The following EML2 variants were observed in gnomAD, a reference collection of about 807,000 sequenced individuals.
EML2 encodes echinoderm microtubule-associated protein-like 2.
In EML2, 59 loss-of-function variants were observed where a neutral mutation model predicts 84.7. That is an observed-to-expected ratio of 0.70 (90% CI 0.56 to 0.86). The LOEUF (loss-of-function observed/expected upper bound fraction) is 0.86, where lower values mean the gene tolerates loss of function less well. EML2 is among the 40% of genes least tolerant of loss of function. EML2 has a pLI of 0.00. For missense variants in EML2, 818 were observed against 855.6 expected, an observed-to-expected ratio of 0.96 and a Z score of 0.55; for synonymous variants, 352 against 348.9, an observed-to-expected ratio of 1.01 and a Z score of -0.10.
upstream of EML2, chr19:45,645,482 CGGGCCCGGCGCTG>C: frequency 1.4e-6 from 2 of 1,406,412 alleles, no homozygotes; most frequent in Non-Finnish European, 1.8e-6. Flanking sequence ...CGGCCGGCGC[CGGGCCCGGCGCTG>C]GGGTCATCCC....
At chr19:45,630,205 G>A (rs529992278) in intron 6 of EML2, among the ~76,000 whole-genome samples, 159 bp from the exon 7 acceptor site, 6 of 152,074 alleles carry the variant, frequency 3.9e-5, no homozygotes, top group African/African-American at 1.4e-4. Context: ...TTTGAGGCCA[G>A]CATAGGCAAT....
At chr19:45,645,528 C>T, upstream of EML2, 1 of 1,231,320 alleles carries the variant, frequency 8.1e-7, no homozygotes, top group Admixed American at 3.3e-5. Context: ...AAAGGGGGGT[C>T]GGGACACCGC....
chr19:45,630,105 C>T, intron 6 of EML2, 59 bp from the exon 7 acceptor site: 1 of 1,262,236 alleles, frequency 7.9e-7, no homozygotes, highest in East Asian at 2.3e-5. Flanking sequence ...CCATCCTCCC[C>T]CCATGCCCAC....
intron 2 of EML2, 68 bp from the exon 3 acceptor site, chr19:45,638,702 CTTTA>C (rs1974073036): frequency 1.9e-5 from 30 of 1,586,844 alleles, no homozygotes; most frequent in Admixed American, 3.7e-5. Flanking sequence ...CCTCTTCCAG[CTTTA>C]TTTATTTATT....
At chr19:45,632,723 T>C (rs1973204573) in intron 6 of EML2, 138 bp downstream of exon 6, 3 of 720,190 alleles carry the variant, frequency 4.2e-6, no homozygotes, top group African/African-American at 3.5e-5. Flanking sequence ...GGACACGCCC[T>C]CATTGTGACG....
At chr19:45,620,793 G>C (rs991328686) in intron 11 of EML2, 10 of 348,510 alleles carry the variant, frequency 2.9e-5, no homozygotes, top group African/African-American at 4.3e-5. Context: ...AAGGAAGGGA[G>C]GGAGGAGGCC....
rs569323805 is a variant in EML2 at position 45,616,190 on chromosome 19, AGAGGGGCGGTCTCGGAACGT to A, written c.1509+251_1509+270del. On this transcript the variant is annotated intron_variant, in intron 15 of 18. Coordinates refer to ENST00000245925, the MANE Select transcript of EML2 (RefSeq NM_012155.4). ...TGAATGTTGAGGGGCGGGGCTACAC[AGAGGGGCGGTCTCGGAACGT>A]GAGGGGCGGTCTCGGAACGTGAGGG... The A allele has an allele frequency of 1.3e-3, 617 of 492,310 alleles. 5 individuals are homozygous for A. The highest frequency in any genetic ancestry group is 8.8e-3 in the African/African-American group (408 of 46,322). The allele number at this position is 492,310 out of a possible 1,614,324, so 30.5% of individuals were successfully genotyped here. A position where few individuals can be genotyped will look rare whatever the true frequency, so the allele number is the denominator to read the frequency against.
rs1277856376 is a variant in EML2 at position 45,617,671 on chromosome 19, G to C, written c.1281C>G (p.His427Gln). The change falls in exon 13 of 19, where the codon CAC becomes CAG. Residue 427 changes from histidine to glutamine, a missense_variant. Physicochemically the swap from His to Gln is conservative, Grantham distance 24. Transcript: ENST00000245925. Reference protein sequence around the residue: ...IEDPARSAGFHPSGSVLAVGT... With the variant: ...IEDPARSAGFQPSGSVLAVGT... ...CCACAGCCAGGACAGAGCCACTGGG[G>C]TGGAAGCCGGCTGAGCGGGCAGGGT... is the stretch of plus-strand genomic sequence containing the variant. 6.2e-7 allele frequency: 1 copy of C among 1,613,968 alleles called. No homozygotes were observed.
chr19:45,621,692 C>A, intron 9 of EML2, 55 bp from the exon 10 acceptor site: 36 of 1,548,062 alleles, frequency 2.3e-5, no homozygotes, highest in Non-Finnish European at 3.0e-5. Context: ...TATGCTGACC[C>A]CTGAAAGCAT....
upstream of EML2, chr19:45,642,900 G>C (rs570975463): frequency 6.6e-6 from 1 of 150,832 alleles, no homozygotes; most frequent in African/African-American, 2.4e-5. Context: ...GACGGGAATC[G>C]CTTGAACCCG....
At chr19:45,642,615 A>AT (rs1328389278), upstream of EML2, 13 of 1,059,112 alleles carry the variant, frequency 1.2e-5, no homozygotes, top group Middle Eastern at 2.3e-4. Flanking sequence ...CTTCCCTCTT[A>AT]TTTTCTAAGA....
chr19:45,632,084 G>T (rs1973110918), intron 6 of EML2, among the ~76,000 whole-genome samples: 2 of 150,548 alleles, frequency 1.3e-5, no homozygotes, highest in South Asian at 4.2e-4. Context: ...CAGTAGAGAC[G>T]GGGTTTCACC....
At chr19:45,642,051 T>C, upstream of EML2, 1 of 1,442,326 alleles carries the variant, frequency 6.9e-7, no homozygotes, top group Middle Eastern at 1.8e-4. Context: ...ACTGGAGGGA[T>C]GGGGTTAGGG....
chr19:45,644,892 A>C (rs1600261353), upstream of EML2: 9 of 412,320 alleles, frequency 2.2e-5, no homozygotes, highest in African/African-American at 4.1e-5. Context: ...ATCCACCCCC[A>C]CCCCCTCTGT....
chr19:45,639,217 G>A, intron 1 of EML2, 140 bp downstream of exon 1: 2 of 962,648 alleles, frequency 2.1e-6, no homozygotes, highest in Non-Finnish European at 3.0e-6. Flanking sequence ...CAAACGTCAA[G>A]CAGAGGGAGA....
In EML2 at chr19:45,638,466, G is replaced by C. The variant is rs759044139; in HGVS notation, c.179+39C>G. 3 of 1,613,158 alleles carry C rather than the reference G, an allele frequency of 1.9e-6. No individual in the cohort carries two copies. The South Asian group carries it at 3.3e-5, about 18-fold the overall frequency. ...TGACCGCCTTTCTATTTCCTCCTGG[G>C]GGGATGGGAGCACCAAGGAGATTCC... On this transcript the variant is annotated intron_variant, in intron 3 of 18. Transcript: ENST00000245925.
chr19:45,627,720 T>C (rs984179395), intron 7 of EML2, among the ~76,000 whole-genome samples: 2 of 152,120 alleles, frequency 1.3e-5, no homozygotes, highest in Admixed American at 1.3e-4. Context: ...TAATCCTCCA[T>C]CTCCCTGTGA....
chr19:45,645,137 G>A (rs1974932282), upstream of EML2: 1 of 1,022,908 alleles, frequency 9.8e-7, no homozygotes, highest in East Asian at 2.7e-5. Flanking sequence ...TCTTGGGTCA[G>A]GGTCCTGCTG....
chr19:45,611,619 G>A (rs1419810273), intron 18 of EML2, among the ~76,000 whole-genome samples: 1 of 151,780 alleles, frequency 6.6e-6, no homozygotes, highest in Non-Finnish European at 1.5e-5. Flanking sequence ...CTGAGTAGTT[G>A]GGATCACAGG....
Sources: gnomAD v4.1 joint callset for allele counts (sites outside exome capture counted in the v4.1 genomes callset) on GRCh38, gnomAD v4.1.1 for gene constraint, MANE v1.5 for transcripts, NCBI Gene and HGNC (gene_info 2026-07-23, HGNC 2026-07-21) for gene names.